The following CTNNA2 variants were observed in gnomAD, a reference collection of about 807,000 sequenced individuals.
The protein encoded by CTNNA2 is catenin alpha 2, also known as catenin alpha-2.
In CTNNA2, 42 loss-of-function variants were observed where a neutral mutation model predicts 101.0. The ratio of observed to expected loss-of-function variants is 0.42; its 90% CI spans 0.32 to 0.54. CTNNA2 has a LOEUF of 0.54. CTNNA2 is among the 20% of genes least tolerant of loss of function. The pLI, the probability that CTNNA2 is intolerant of heterozygous loss-of-function variation, is 0.14. For synonymous variants in CTNNA2, 450 were observed against 456.4 expected, an observed-to-expected ratio of 0.99 and a Z score of 0.18; for missense variants, 871 against 1,223.1, an observed-to-expected ratio of 0.71 and a Z score of 4.29.
chr2:79,292,092 A>G lies in CTNNA2; in HGVS notation c.-405-20617A>G, dbSNP rs547556811. 5.3e-5 allele frequency among the ~76,000 whole-genome samples: 8 copies of G among 152,254 alleles called. No individual in the cohort carries two copies. The East Asian group carries it at 1.5e-3, about 29-fold the overall frequency. ...ACAAGGAGATCAGATAAAATGTTGGAAAGGTAATTATGTTCTACAGGAGTT... is the reference window on the plus strand; with the variant it reads ...ACAAGGAGATCAGATAAAATGTTGGGAAGGTAATTATGTTCTACAGGAGTT... On this transcript the variant is annotated intron_variant, in intron 2 of 21. Transcript: ENST00000466387.
At chr2:79,980,284 A>T (rs1428063003) in intron 7 of CTNNA2, among the ~76,000 whole-genome samples, 1 of 152,148 alleles carries the variant, frequency 6.6e-6, no homozygotes, top group East Asian at 1.9e-4. Flanking sequence ...GCAAGTTTTT[A>T]ACTTGCTCAT....
chr2:80,266,647 T>G (rs1347151991), intron 7 of CTNNA2, among the ~76,000 whole-genome samples: 4 of 152,250 alleles, frequency 2.6e-5, no homozygotes, highest in Non-Finnish European at 5.9e-5. Flanking sequence ...GAGTAATTGA[T>G]GTGCAGTATT....
intron 4 of CTNNA2, among the ~76,000 whole-genome samples, chr2:79,867,515 A>C (rs1177121062): frequency 6.6e-6 from 1 of 152,034 alleles, no homozygotes; most frequent in Non-Finnish European, 1.5e-5. Context: ...CTGCCCCGTG[A>C]TTCTTTGTGA....
rs187442100 is a variant in CTNNA2, at chr2:79,344,418, C to A, written c.-317-29413C>A. 3.3e-5 allele frequency among the ~76,000 whole-genome samples: 5 copies of A among 152,226 alleles called. No individual in the cohort carries two copies. The East Asian group carries it at 9.7e-4, about 29-fold the overall frequency. On this transcript the variant is annotated intron_variant, in intron 3 of 21. Transcript: ENST00000466387. ...CAGTGATATTACAATCTCTGAATAACTTGAAAAGTCTCAGCTTGACTTATA... is the reference window on the plus strand; with the variant it reads ...CAGTGATATTACAATCTCTGAATAAATTGAAAAGTCTCAGCTTGACTTATA...
At chr2:79,886,579 G>A (rs901506076) in intron 6 of CTNNA2, among the ~76,000 whole-genome samples, 11 of 151,164 alleles carry the variant, frequency 7.3e-5, no homozygotes, top group Admixed American at 3.3e-4. Flanking sequence ...GTGAAAACCC[G>A]TCTCTACTAA....
intron 2 of CTNNA2, among the ~76,000 whole-genome samples, chr2:79,683,863 G>A (rs1398369196): frequency 1.3e-5 from 2 of 152,244 alleles, no homozygotes; most frequent in South Asian, 4.1e-4. Flanking sequence ...AGCACTTGGA[G>A]TCTTTGTGTT....
chr2:79,579,099 T>C (rs1675981414), intron 1 of CTNNA2, among the ~76,000 whole-genome samples: 1 of 151,440 alleles, frequency 6.6e-6, no homozygotes, highest in Non-Finnish European at 1.5e-5. Flanking sequence ...CCTTCCTCCC[T>C]TTATTCCTTT....
At chr2:80,073,465 C>T (rs1046173822) in intron 7 of CTNNA2, among the ~76,000 whole-genome samples, 8 of 152,132 alleles carry the variant, frequency 5.3e-5, no homozygotes, top group African/African-American at 1.2e-4. Context: ...AGCTTGAGAT[C>T]TTTACACCCA....
rs529741024 is a variant in CTNNA2 at position 80,387,101 on chromosome 2, A to T, written c.1057-6110A>T. Among the ~76,000 whole-genome samples, 3 of 152,292 alleles carry T rather than the reference A, an allele frequency of 2.0e-5. No homozygotes were observed. In the South Asian group the frequency reaches 6.2e-4, roughly 32 times the overall value. ...CAGGAGATCAAGACCATCTTGGCTA[A>T]CATGGTGAAACCCCGTCTTTATTAA... On this transcript the variant is annotated intron_variant, in intron 7 of 18. Transcript: ENST00000402739.
chr2:79,492,909 T>G (rs907448234), intron 4 of CTNNA2, among the ~76,000 whole-genome samples: 8 of 152,154 alleles, frequency 5.3e-5, no homozygotes, highest in African/African-American at 1.9e-4. Context: ...GCTTAATATC[T>G]GAAATCAATC....
chr2:80,123,701 A>T lies in CTNNA2; in HGVS notation c.1056+213904A>T, dbSNP rs149439774. 7.0e-4 allele frequency among the ~76,000 whole-genome samples: 107 copies of T among 152,240 alleles called. No homozygotes were observed. In the East Asian group the frequency reaches 0.02, roughly 29 times the overall value. On this transcript the variant is annotated intron_variant, in intron 7 of 18. Coordinates refer to ENST00000402739, the MANE Select transcript of CTNNA2 (RefSeq NM_001282597.3). Reference sequence around the variant, plus strand: ...ACAAATGTACTTATAATAGGTCTTAAAAAGGGCTTTGAAGACTGACAGTGA... The same window carrying T: ...ACAAATGTACTTATAATAGGTCTTATAAAGGGCTTTGAAGACTGACAGTGA...
At chr2:79,510,872 T>A (rs1052853799), upstream of CTNNA2, among the ~76,000 whole-genome samples, 1 of 152,224 alleles carries the variant, frequency 6.6e-6, no homozygotes, top group Non-Finnish European at 1.5e-5. Flanking sequence ...ACAAATCTCA[T>A]TTTGACTAGA....
At chr2:79,583,290 T>C (rs903584895) in intron 1 of CTNNA2, among the ~76,000 whole-genome samples, 1 of 151,942 alleles carries the variant, frequency 6.6e-6, no homozygotes, top group Non-Finnish European at 1.5e-5. Flanking sequence ...CTATGGTTCA[T>C]ATAAAAAAGT....
chr2:80,075,623 A>ATTTTT (rs1698657068), intron 7 of CTNNA2, among the ~76,000 whole-genome samples: 1 of 100,512 alleles, frequency 9.9e-6, no homozygotes, highest in African/African-American at 4.4e-5. Flanking sequence ...TATAAATATA[A>ATTTTT]ATATTTATAC....
intron 18 of CTNNA2, among the ~76,000 whole-genome samples, chr2:80,644,071 C>T (rs1221004393): frequency 2.0e-5 from 3 of 152,136 alleles, no homozygotes; most frequent in Non-Finnish European, 4.4e-5. Context: ...CCTGAGAGAT[C>T]AAGTGATGCT....
At chr2:80,586,485 G>A (rs1307682412) in intron 14 of CTNNA2, 7 of 152,130 alleles carry the variant, frequency 4.6e-5, no homozygotes, top group Admixed American at 1.3e-4. Flanking sequence ...AGCATGATTC[G>A]CTCTTCTGTA....
At chr2:79,290,807 T>C (rs113586326) in intron 2 of CTNNA2, among the ~76,000 whole-genome samples, 15,598 of 152,160 alleles carry the variant, frequency 0.1, 838 homozygotes, top group Non-Finnish European at 0.12. Flanking sequence ...GCACTTATTC[T>C]CCAAGCCCAT....
At chr2:80,209,607 A>C (rs1300118495) in intron 7 of CTNNA2, among the ~76,000 whole-genome samples, 1 of 151,810 alleles carries the variant, frequency 6.6e-6, no homozygotes. Flanking sequence ...ACACAGACAC[A>C]CACACACACA....
At chr2:80,454,080 C>T (rs1003110646) in intron 9 of CTNNA2, among the ~76,000 whole-genome samples, 2 of 152,108 alleles carry the variant, frequency 1.3e-5, no homozygotes, top group Admixed American at 6.5e-5. Flanking sequence ...AAAAACATTT[C>T]GAGCCCCATT....
Sources: gnomAD v4.1 joint callset for allele counts (sites outside exome capture counted in the v4.1 genomes callset) on GRCh38, gnomAD v4.1.1 for gene constraint, MANE v1.5 for transcripts, NCBI Gene and HGNC (gene_info 2026-07-23, HGNC 2026-07-21) for gene names.